The following DPEP2 variants were observed in gnomAD, a reference collection of about 807,000 sequenced individuals.
DPEP2 encodes the protein dipeptidase 2.
Under a neutral mutation model 51.8 loss-of-function variants are expected in DPEP2, and 45 were observed. That is an observed-to-expected ratio of 0.87 (90% CI 0.68 to 1.11). DPEP2 has a LOEUF of 1.11. Ranked by LOEUF, DPEP2 falls within the 50% of genes most tolerant of loss-of-function variation. DPEP2 has a pLI of 0.00. For missense variants in DPEP2, 604 were observed against 631.9 expected, an observed-to-expected ratio of 0.96 and a Z score of 0.47; for synonymous variants, 255 against 262.7, an observed-to-expected ratio of 0.97 and a Z score of 0.28.
upstream of DPEP2, chr16:68,000,560 C>CAATTCCCA (rs2032959371): frequency 1.1e-6 from 1 of 907,212 alleles, no homozygotes; most frequent in South Asian, 5.1e-5. Flanking sequence ...ATGTCTGATA[C>CAATTCCCA]AGACAATTCC....
At chr16:67,993,555 C>T in intron 1 of DPEP2, 1 of 1,055,648 alleles carries the variant, frequency 9.5e-7, no homozygotes, top group Admixed American at 5.2e-5. Context: ...GGGGCCGACC[C>T]AGGTGGCTCC....
chr16:67,988,054 G>A, intron 9 of DPEP2, 67 bp from the exon 10 acceptor site: 1 of 1,605,542 alleles, frequency 6.2e-7, no homozygotes, highest in Non-Finnish European at 8.5e-7. Context: ...CCACAGTCCA[G>A]GGTCTATGAA....
Position 67,993,060 on chromosome 16 carries a change from G to C in DPEP2, c.153C>G (p.Ala51=). 1.3e-6 allele frequency: 2 copies of C among 1,576,978 alleles called. No homozygotes were observed. The highest frequency in any genetic ancestry group is 1.7e-6 in the Non-Finnish European group (2 of 1,160,402). The change falls in exon 2 of 11, where the codon GCC becomes GCG. Residue 51 remains alanine, a synonymous_variant. Coordinates refer to ENST00000393847, the MANE Select transcript of DPEP2 (RefSeq NM_022355.4). ...GAGCGTAGGTGCCCGGCATGGTGTG[G>C]GCTCTGGGGGCGCCCAGCGTGGTGA... ...RALTTLGAPR[A]HTMPGTYAPS...
intron 9 of DPEP2, 27 bp from the exon 10 acceptor site, chr16:67,988,014 C>T: frequency 6.2e-7 from 1 of 1,613,932 alleles, no homozygotes; most frequent in South Asian, 1.1e-5. Flanking sequence ...TAGTGGGTTT[C>T]AGACCTGATT....
chr16:67,995,781 TGGGGAAAC>T (rs1028092232), intron 1 of DPEP2, among the ~76,000 whole-genome samples: 7 of 152,194 alleles, frequency 4.6e-5, no homozygotes, highest in Non-Finnish European at 8.8e-5. Context: ...TTGGCCAACA[TGGGGAAAC>T]CCCATCTCTA....
chr16:67,987,933 C>A lies in DPEP2; in HGVS notation c.1125G>T (p.Leu375Phe). The change falls in exon 10 of 11, where the codon TTG (leucine) becomes TTT (phenylalanine). Residue 375 changes from leucine (L) to phenylalanine (F), a missense_variant. Physicochemically the swap from Leu to Phe is conservative, Grantham distance 22. Transcript: ENST00000393847. The stretch of plus-strand genomic sequence containing the variant: ...CTTCCTCACTCCAGCCACGACTCAG[C>A]AACTCCTCTATCAGGACCGGGTATG... The part of the protein sequence containing the change: ...VSTYPVLIEE[L>F]LSRGWSEEEL... 1 of 1,614,192 alleles carries A rather than the reference C, an allele frequency of 6.2e-7. No homozygotes were observed. Among genetic ancestry groups the A allele is most frequent in the Non-Finnish European group, 8.5e-7 (1 of 1,180,028 alleles).
chr16:67,989,319 T>TC lies in DPEP2; in HGVS notation c.1070+3dup. 2 of 1,614,062 alleles carry TC rather than the reference T, an allele frequency of 1.2e-6. No homozygotes were observed. Among genetic ancestry groups the TC allele is most frequent in the Non-Finnish European group, 1.7e-6 (2 of 1,179,980 alleles). Reference sequence around the variant, plus strand: ...CCAAGACAAGCCACAGGGAAGGCACTCACTTGCCGGCCCCATCATAATCTC... The same window carrying TC: ...CCAAGACAAGCCACAGGGAAGGCACTCCACTTGCCGGCCCCATCATAATCTC... On this transcript the variant is annotated splice_donor_region_variant and intron_variant, in intron 9 of 10. Coordinates refer to ENST00000393847, the MANE Select transcript of DPEP2 (RefSeq NM_022355.4).
rs1167574242 is a variant in DPEP2 at position 67,990,971 on chromosome 16, C to T, written c.759G>A (p.Leu253=). 6.2e-7 allele frequency: 1 copy of T among 1,614,140 alleles called. No individual in the cohort carries two copies. Among genetic ancestry groups the T allele is most frequent in the African/African-American group, 1.3e-5 (1 of 75,054 alleles). Residue 253 remains leucine (L), a synonymous_variant, in exon 7 of 11, where the codon CTG becomes CTA. Transcript: ENST00000393847. ...GEKVVAEMNR[L]GMMVDLSHVS... is the part of the protein sequence containing the mutation. The stretch of plus-strand genomic sequence containing the variant: ...CATGGGATAAGTCTACCATCATGCC[C>T]AGGCGGTTCATTTCTGCCACCACCT...
chr16:67,996,381 A>G (rs1411047556), intron 1 of DPEP2, among the ~76,000 whole-genome samples: 1 of 149,276 alleles, frequency 6.7e-6, no homozygotes, highest in Non-Finnish European at 1.5e-5. Context: ...TTTTTTTGAG[A>G]CAAAGTTTTG....
Position 67,987,400 on chromosome 16 carries a change from T to C in DPEP2, c.*106A>G. 1 of 1,476,622 alleles carries C rather than the reference T, an allele frequency of 6.8e-7. No homozygotes were observed. The highest frequency in any genetic ancestry group is 1.4e-5 in the African/African-American group (1 of 71,342). 91.5% of individuals were successfully genotyped at this position (1,476,622 alleles called of 1,614,324 possible). A position where few individuals can be genotyped will look rare whatever the true frequency, so the allele number is the denominator to read the frequency against. On this transcript the variant is annotated 3_prime_UTR_variant, in exon 11 of 11. Transcript: ENST00000393847. Reference sequence around the variant, plus strand: ...AGAAGGAAACTCAGGTCTGTTTCTATGTCCAAAACATTTATTTCAGGAAAT... The same window carrying C: ...AGAAGGAAACTCAGGTCTGTTTCTACGTCCAAAACATTTATTTCAGGAAAT...
At chr16:67,988,371 C>T (rs770684976) in intron 9 of DPEP2, among the ~76,000 whole-genome samples, 2 of 148,860 alleles carry the variant, frequency 1.3e-5, no homozygotes, top group African/African-American at 2.5e-5. Context: ...ATGGTGAAAC[C>T]CAATCTCTAC....
At position 67,990,029 on chromosome 16, in the gene DPEP2, C is replaced by G; in HGVS notation, c.994+18G>C. The G allele has an allele frequency of 1.2e-6, 2 of 1,613,660 alleles. No homozygotes were observed. The highest frequency in any genetic ancestry group is 2.2e-5 in the South Asian group (2 of 91,052). On this transcript the variant is annotated intron_variant, in intron 8 of 10. Transcript: ENST00000393847. The stretch of plus-strand genomic sequence containing the variant: ...GTGCAAATCAGAACTGTTCAGAGAG[C>G]CCGGGAGAGGGAGTTACCTGCCACA...
upstream of DPEP2, among the ~76,000 whole-genome samples, chr16:67,999,916 G>A (rs1272775535): frequency 1.3e-5 from 2 of 152,096 alleles, no homozygotes; most frequent in East Asian, 1.9e-4. Context: ...CTAACAAAAC[G>A]AAAACAAGAT....
chr16:67,995,027 A>C, intron 1 of DPEP2: 1 of 377,212 alleles, frequency 2.7e-6, no homozygotes, highest in Non-Finnish European at 3.6e-6. Flanking sequence ...TAACTTCCCG[A>C]GTAGCTGGGA....
In DPEP2 at chr16:67,987,863, G is replaced by C. The variant is rs766877867; in HGVS notation, c.1195C>G (p.Gln399Glu). 4.5e-5 allele frequency: 73 copies of C among 1,613,986 alleles called. No homozygotes were observed. Among genetic ancestry groups the C allele is most frequent in the Non-Finnish European group, 5.7e-5 (67 of 1,180,032 alleles). ...LRGNLLRVFR[Q>E]VEKVQEENKW... ...CCAGCCCAGAGTACCTTTTCCACTT[G>C]TCTGAAGACCCGCAGCAGGTTTCCA... The change falls in exon 10 of 11, where the codon CAA (glutamine) becomes GAA (glutamate). Residue 399 changes from glutamine to glutamate, a missense_variant. Physicochemically the swap from Gln to Glu is conservative, Grantham distance 29. Transcript: ENST00000393847.
intron 1 of DPEP2, chr16:67,994,852 C>T (rs537638632): frequency 5.8e-5 from 57 of 985,260 alleles, no homozygotes; most frequent in South Asian, 2.3e-4. Flanking sequence ...GATCGATGGC[C>T]GAGTGCTCGA....
Position 67,991,750 on chromosome 16 carries a change from TG to T in DPEP2, c.662+87del. The stretch of plus-strand genomic sequence containing the variant: ...ACTCCAGAGTCAGTGCCACATCCCA[TG>T]GGTAAAGCTTGTTCTGGGCCCACAG... On this transcript the variant is annotated intron_variant, in intron 5 of 10. Transcript: ENST00000393847. This position sits in a 1 kb window ranked among gnomAD's most constrained non-coding sequence, Gnocchi z 5.1. 4.5e-6 allele frequency: 7 copies of T among 1,541,402 alleles called. No individual in the cohort carries two copies. In the African/African-American group the frequency reaches 8.1e-5, roughly 18 times the overall value.
At chr16:67,996,999 ATATTATTATTATTATTATTATTAT>A (rs35421512) in intron 1 of DPEP2, among the ~76,000 whole-genome samples, 2 of 139,116 alleles carry the variant, frequency 1.4e-5, no homozygotes, top group Non-Finnish European at 1.5e-5. Flanking sequence ...ATAGATAATG[ATATTATTATTATTATTATTATTAT>A]TATTATTATT....
rs1325394679 is a variant in DPEP2 at position 67,987,988 on chromosome 16, CTGTG to C, written c.1071-5_1071-2del. On this transcript the variant is annotated splice_acceptor_variant and splice_polypyrimidine_tract_variant and intron_variant, in intron 9 of 10. Coordinates refer to ENST00000393847, the MANE Select transcript of DPEP2 (RefSeq NM_022355.4). LOFTEE classifies it high-confidence loss of function. ...CACGTCTTCCAGCCCCTGAGGGAAT[CTGTG>C]TGGCCACCAGCTAGTGGGTTTCAGA... 1 of 1,614,162 alleles carries C rather than the reference CTGTG, an allele frequency of 6.2e-7. No homozygotes were observed. The highest frequency in any genetic ancestry group is 1.3e-5 in the African/African-American group (1 of 75,036).
Sources: gnomAD v4.1 joint callset for allele counts (sites outside exome capture counted in the v4.1 genomes callset) on GRCh38, gnomAD v4.1.1 for gene constraint, Gnocchi (gnomAD v3.1) non-coding constraint, MANE v1.5 for transcripts, NCBI Gene and HGNC (gene_info 2026-07-23, HGNC 2026-07-21) for gene names.